ZNF83: variants seen among roughly 807,000 people sequenced by gnomAD.
The protein encoded by ZNF83 is zinc finger protein 83.
For synonymous variants in ZNF83, 209 were observed against 213.0 expected (o/e 0.98, Z 0.17); for missense variants, 552 against 629.9 (o/e 0.88, Z 1.32).
chr19:52,683,226 CTCTGTGTGTGTGTGTGTGTG>C lies in ZNF83; in HGVS notation c.-283+7197_-283+7216del, dbSNP rs2061952401. 2.2e-5 allele frequency among the ~76,000 whole-genome samples: 3 copies of C among 135,768 alleles called. No individual in the cohort carries two copies. In the South Asian group the frequency reaches 7.5e-4, roughly 34 times the overall value. 89.1% of individuals were successfully genotyped at this position (135,768 alleles called of 152,430 possible). A position where few individuals can be genotyped will look rare whatever the true frequency, so the allele number is the denominator to read the frequency against. ...CCTCAGCTCCTCAGCTGCCCTGTGA[CTCTGTGTGTGTGTGTGTGTG>C]TGTGTGTGTGTGTGTGTGTGTGTGT... On this transcript the variant is annotated intron_variant, in intron 1 of 5. Transcript: ENST00000594682.
intron 3 of ZNF83, chr19:52,650,755 G>T (rs2061431938): frequency 6.6e-6 from 1 of 152,298 alleles, no homozygotes; most frequent in South Asian, 2.1e-4. Flanking sequence ...ACTTCCTAAG[G>T]CTGGGACAAA....
In ZNF83 at chr19:52,680,603, AAT is replaced by A. The variant is rs1339734623; in HGVS notation, c.-283+9838_-283+9839del. Among the ~76,000 whole-genome samples, 244 of 101,716 alleles carry A rather than the reference AAT, an allele frequency of 2.4e-3. 2 individuals carry two copies. The highest frequency in any genetic ancestry group is 6.7e-3 in the African/African-American group (224 of 33,664). The allele number at this position is 101,716 out of a possible 152,430, so 66.7% of individuals were successfully genotyped here. ...TGTGTTTTATTGTACTTTTCCACAA[AAT>A]ATTTTTTTTTTTTTTTTTTTTTTTT... On this transcript the variant is annotated intron_variant, in intron 1 of 5. Transcript: ENST00000594682.
intron 2 of ZNF83, 138 bp downstream of exon 2, chr19:52,634,928 C>A: frequency 3.8e-6 from 3 of 780,864 alleles, no homozygotes; most frequent in Non-Finnish European, 4.4e-6. Flanking sequence ...ATGAGAGGGA[C>A]TGAGGGAAGG....
In ZNF83 at chr19:52,620,165, G is replaced by T. The variant is rs146987099; in HGVS notation, c.-233-5368C>A. 1.5e-4 allele frequency among the ~76,000 whole-genome samples: 23 copies of T among 152,094 alleles called. No homozygotes were observed. The East Asian group carries it at 4.2e-3, about 28-fold the overall frequency. The stretch of plus-strand genomic sequence containing the variant: ...AAACTAGAGTTGAATGCAAAGGGTT[G>T]TCATTTTCCCCAGATTTTCAAAATA... On this transcript the variant is annotated intron_variant, in intron 2 of 2. Transcript: ENST00000301096.
At chr19:52,688,478 T>C (rs1174685036) in intron 1 of ZNF83, among the ~76,000 whole-genome samples, 1 of 152,010 alleles carries the variant, frequency 6.6e-6, no homozygotes, top group African/African-American at 2.4e-5. Context: ...CCAGCCTCTC[T>C]TTCTTCATTA....
At chr19:52,673,630 G>A (rs184001622) in intron 1 of ZNF83, among the ~76,000 whole-genome samples, 6 of 152,208 alleles carry the variant, frequency 3.9e-5, no homozygotes, top group East Asian at 1.9e-4. Context: ...AGCCAATAAC[G>A]ATGCAAATAT....
intron 3 of ZNF83, chr19:52,653,290 A>G (rs981971420): frequency 1.4e-6 from 2 of 1,389,908 alleles, no homozygotes; most frequent in African/African-American, 2.9e-5. Flanking sequence ...TTGATTAAAA[A>G]CCTTACCACA....
chr19:52,626,807 T>C (rs2060755208), intron 2 of ZNF83, among the ~76,000 whole-genome samples: 1 of 152,116 alleles, frequency 6.6e-6, no homozygotes, highest in African/African-American at 2.4e-5. Context: ...TCATCCATTA[T>C]CTCTCCATAC....
At chr19:52,684,555 AG>A (rs68117697) in intron 1 of ZNF83, among the ~76,000 whole-genome samples, 19,966 of 140,088 alleles carry the variant, frequency 0.14, 1,768 homozygotes, top group African/African-American at 0.22. Flanking sequence ...GTCTAAAAAA[AG>A]AAAAAAAAAG....
chr19:52,636,823 T>TTC (rs2061163503), intron 1 of ZNF83: 2 of 147,788 alleles, frequency 1.4e-5, no homozygotes, highest in Admixed American at 1.4e-4. Flanking sequence ...GCCCGGTTGT[T>TTC]TTTTTTTTTT....
chr19:52,664,256 G>A (rs1012361966), intron 1 of ZNF83, among the ~76,000 whole-genome samples: 2 of 151,756 alleles, frequency 1.3e-5, no homozygotes, highest in African/African-American at 4.8e-5. Flanking sequence ...AAGACTTTGG[G>A]AGGCCGATGC....
At chr19:52,683,268 GTGTGTGTGTGTGTA>G (rs1193928231) in intron 1 of ZNF83, among the ~76,000 whole-genome samples, 28 of 101,052 alleles carry the variant, frequency 2.8e-4, no homozygotes, top group African/African-American at 7.1e-4. Flanking sequence ...GTGTGTGTGT[GTGTGTGTGTGTGTA>G]TGCTCACGTG....
At chr19:52,614,528 C>T in exon 3 of ZNF83, 3 of 1,601,812 alleles carry the variant, frequency 1.9e-6, no homozygotes, top group Non-Finnish European at 8.5e-7. Context: ...TGATTTTTAA[C>T]AGGCTGCTTT....
At chr19:52,630,260 G>A (rs1360302364) in intron 2 of ZNF83, among the ~76,000 whole-genome samples, 2 of 152,170 alleles carry the variant, frequency 1.3e-5, no homozygotes, top group Non-Finnish European at 2.9e-5. Context: ...GACACTGCCC[G>A]ATCGCCTCGG....
intron 1 of ZNF83, among the ~76,000 whole-genome samples, chr19:52,664,293 C>A (rs116948305): frequency 1.3e-5 from 2 of 151,278 alleles, no homozygotes; most frequent in Non-Finnish European, 2.9e-5. Context: ...CCCTAGAGTT[C>A]GAGACCAGCC....
At chr19:52,612,753 C>A in exon 3 of ZNF83, 1 of 483,194 alleles carries the variant, frequency 2.1e-6, no homozygotes, top group South Asian at 3.6e-5. Flanking sequence ...TGCCAGAAGA[C>A]CTTGCCACAT....
chr19:52,613,352 C>T (rs2060173116), exon 3 of ZNF83: 1 of 1,614,032 alleles, frequency 6.2e-7, no homozygotes, highest in African/African-American at 1.3e-5. Flanking sequence ...TTGCCACATT[C>T]ATCACATTTG....
chr19:52,643,890 TG>T (rs1377843842), intron 3 of ZNF83, among the ~76,000 whole-genome samples: 3 of 152,050 alleles, frequency 2.0e-5, no homozygotes, highest in Non-Finnish European at 4.4e-5. Context: ...GGAAGGGTTT[TG>T]ATGTTTGGGA....
At chr19:52,658,058 C>T (rs2061530095) in intron 2 of ZNF83, among the ~76,000 whole-genome samples, 1 of 150,994 alleles carries the variant, frequency 6.6e-6, no homozygotes, top group Non-Finnish European at 1.5e-5. Flanking sequence ...ATTGCTTTAA[C>T]CATGAAAGCG....
Sources: allele counts gnomAD v4.1 joint callset (sites outside exome capture counted in the v4.1 genomes callset), GRCh38; gene constraint gnomAD v4.1.1; transcripts MANE v1.5; gene names NCBI Gene and HGNC (gene_info 2026-07-23, HGNC 2026-07-21).